The following DPY19L2 variants were observed in gnomAD, a reference collection of about 807,000 sequenced individuals.
DPY19L2 encodes dpy-19 like 2.
DPY19L2 carries 34 observed loss-of-function variants against 97.9 expected under a neutral mutation model. The observed-to-expected ratio is 0.35, with a 90% CI of 0.26 to 0.46. The LOEUF is 0.46. Among genes scored for constraint, DPY19L2 ranks in the 20% least tolerant of loss-of-function variants. The probability of loss-of-function intolerance (pLI) is 1.00; values close to 1 mark genes in which losing one functional copy is unlikely to be tolerated. For synonymous variants in DPY19L2, 230 were observed against 307.9 expected (o/e 0.75, Z 2.65); for missense variants, 623 against 911.4 (o/e 0.68, Z 4.07).
chr12:63,593,024 A>T (rs1339999559), intron 16 of DPY19L2, among the ~76,000 whole-genome samples: 2 of 151,572 alleles, frequency 1.3e-5, no homozygotes, highest in African/African-American at 2.4e-5. Flanking sequence ...ATGCAGCCAA[A>T]AAACACATGA....
chr12:63,667,393 C>T (rs1438958231), intron 1 of DPY19L2, among the ~76,000 whole-genome samples: 1 of 152,058 alleles, frequency 6.6e-6, no homozygotes, highest in Non-Finnish European at 1.5e-5. Flanking sequence ...TCCCTTAACC[C>T]ACATACCACA....
intron 4 of DPY19L2, among the ~76,000 whole-genome samples, chr12:63,648,056 C>A (rs1893669842): frequency 6.6e-6 from 1 of 152,130 alleles, no homozygotes; most frequent in African/African-American, 2.4e-5. Context: ...ACTCCCCCCT[C>A]ATGAGTGAGA....
chr12:63,651,452 G>A (rs1894216714), intron 4 of DPY19L2, among the ~76,000 whole-genome samples: 1 of 152,018 alleles, frequency 6.6e-6, no homozygotes, highest in Non-Finnish European at 1.5e-5. Context: ...ACTACCAAGG[G>A]AGTAAACAGA....
chr12:63,600,635 T>G lies in DPY19L2; in HGVS notation c.1279-249A>C, dbSNP rs557879641. On this transcript the variant is annotated intron_variant, in intron 12 of 21. Transcript: ENST00000324472. ...TCTTTTTTTTTTTTTTTTTTTTGTC[T>G]TAAGGAGTGAAAGGTTAATAGCCAA... 2.1e-5 allele frequency among the ~76,000 whole-genome samples: 3 copies of G among 144,832 alleles called. No individual in the cohort carries two copies. The Admixed American group carries it at 2.1e-4, about 10-fold the overall frequency.
intron 6 of DPY19L2, among the ~76,000 whole-genome samples, chr12:63,628,478 C>T (rs796841762): frequency 6.6e-6 from 1 of 152,082 alleles, no homozygotes; most frequent in Admixed American, 6.5e-5. Context: ...GCTAGCACAG[C>T]AGTCTGAGAT....
chr12:63,605,585 A>G (rs1248270420), intron 12 of DPY19L2, among the ~76,000 whole-genome samples: 1 of 152,170 alleles, frequency 6.6e-6, no homozygotes, highest in Non-Finnish European at 1.5e-5. Context: ...CACTGGTAGT[A>G]ATGAGTGCAC....
At chr12:63,643,247 T>C (rs1281870220) in intron 6 of DPY19L2, among the ~76,000 whole-genome samples, 1 of 152,050 alleles carries the variant, frequency 6.6e-6, no homozygotes, top group Non-Finnish European at 1.5e-5. Context: ...CTTATACTTA[T>C]TACTACTTTT....
At chr12:63,655,744 C>G (rs200638052) in intron 4 of DPY19L2, among the ~76,000 whole-genome samples, 21 of 144,598 alleles carry the variant, frequency 1.5e-4, no homozygotes, top group East Asian at 6.3e-4. Context: ...AAGGAAGGGT[C>G]GGGGGGTGGG....
chr12:63,644,222 T>C (rs150902318), intron 6 of DPY19L2, among the ~76,000 whole-genome samples, 181 bp downstream of exon 6: 12,025 of 152,048 alleles, frequency 0.079, 744 homozygotes, highest in African/African-American at 0.17. Context: ...AGATAGAATT[T>C]TAGTGACATC....
intron 19 of DPY19L2, among the ~76,000 whole-genome samples, chr12:63,577,468 G>T (rs1880053372): frequency 6.6e-6 from 1 of 152,090 alleles, no homozygotes. Context: ...CTTCTGCACA[G>T]CAAAGGAAAC....
At chr12:63,614,569 G>A (rs956858784) in intron 11 of DPY19L2, among the ~76,000 whole-genome samples, 2 of 152,224 alleles carry the variant, frequency 1.3e-5, no homozygotes, top group East Asian at 1.9e-4. Context: ...TGTGCGTGGT[G>A]CAGTATAGCA....
chr12:63,627,306 G>A (rs1258632252), intron 6 of DPY19L2, among the ~76,000 whole-genome samples: 3 of 152,202 alleles, frequency 2.0e-5, no homozygotes, highest in African/African-American at 7.2e-5. Context: ...ACAAAAATCA[G>A]ATGAAAGATA....
intron 19 of DPY19L2, among the ~76,000 whole-genome samples, chr12:63,578,135 A>G (rs1242039765): frequency 1.3e-5 from 2 of 152,116 alleles, no homozygotes; most frequent in African/African-American, 4.8e-5. Flanking sequence ...AGAACCTGTC[A>G]TAAAAAAAGA....
rs1441812141 is a variant in DPY19L2 at position 63,612,408 on chromosome 12, T to G, written c.1219-3733A>C. On this transcript the variant is annotated intron_variant, in intron 11 of 21. Transcript: ENST00000324472. ...TTACTGTTTAAGTAAAAACAAAAATTTATTGAGATTTCTATATCACATGTT... is the reference window on the plus strand; with the variant it reads ...TTACTGTTTAAGTAAAAACAAAAATGTATTGAGATTTCTATATCACATGTT... 3.9e-5 allele frequency among the ~76,000 whole-genome samples: 6 copies of G among 151,974 alleles called. 1 individual carries two copies. Among genetic ancestry groups the G allele is most frequent in the Admixed American group, 3.9e-4 (6 of 15,274 alleles).
At position 63,651,252 on chromosome 12, in the gene DPY19L2, C is replaced by T. The variant is rs552457624; in HGVS notation, c.589-3887G>A. Among the ~76,000 whole-genome samples the T allele has an allele frequency of 2.5e-4, 38 of 152,152 alleles. No individual in the cohort carries two copies. The East Asian group carries it at 3.5e-3, about 14-fold the overall frequency. ...TCTTTTCCCCATACACAAAAATCAA[C>T]TCAAGATGAATTAAAGACTGAAACG... On this transcript the variant is annotated intron_variant, in intron 4 of 21. Transcript: ENST00000324472.
chr12:63,620,961 A>G (rs547835991), intron 9 of DPY19L2, among the ~76,000 whole-genome samples: 2 of 152,098 alleles, frequency 1.3e-5, no homozygotes, highest in East Asian at 3.9e-4. Context: ...ACAGAAAACC[A>G]AACACCACAT....
At chr12:63,565,595 G>A (rs1237959089) in intron 21 of DPY19L2, among the ~76,000 whole-genome samples, 40 of 151,636 alleles carry the variant, frequency 2.6e-4, no homozygotes, top group Admixed American at 1.2e-3. Flanking sequence ...TGTGAGTAAC[G>A]TAATTCACAA....
rs558346698 is a variant in DPY19L2 at position 63,596,101 on chromosome 12, T to C, written c.1462-64A>G. 8 of 1,421,262 alleles carry C rather than the reference T, an allele frequency of 5.6e-6. No individual in the cohort carries two copies. The East Asian group carries it at 2.1e-4, about 37-fold the overall frequency. The allele number at this position is 1,421,262 out of a possible 1,614,324, so 88.0% of individuals were successfully genotyped here. On this transcript the variant is annotated intron_variant, in intron 14 of 21. Transcript: ENST00000324472. ...TTTTTACATTAAATTAGTAAACACC[T>C]ATGTCAAACTAAGTGCCATGATAAC...
At chr12:63,660,751 G>C (rs931255338) in intron 4 of DPY19L2, 33 of 152,106 alleles carry the variant, frequency 2.2e-4, no homozygotes, top group African/African-American at 7.2e-4. Flanking sequence ...TGGATTCTGA[G>C]ACAATTTTAA....
Sources: gnomAD v4.1 joint callset for allele counts (sites outside exome capture counted in the v4.1 genomes callset) on GRCh38, gnomAD v4.1.1 for gene constraint, MANE v1.5 for transcripts, NCBI Gene and HGNC (gene_info 2026-07-23, HGNC 2026-07-21) for gene names.